Variants in ASAP1 observed in about 807,000 individuals in gnomAD.
The protein encoded by ASAP1 is ArfGAP with SH3 domain, ankyrin repeat and PH domain 1, also known as arf-GAP with SH3 domain, ANK repeat and PH domain-containing protein 1.
A neutral mutation model predicts 145.2 loss-of-function variants in ASAP1; 43 were observed. The ratio of observed to expected loss-of-function variants is 0.30; its 90% CI spans 0.23 to 0.38. The LOEUF (loss-of-function observed/expected upper bound fraction) is 0.38. ASAP1 is among the 10% of genes least tolerant of loss of function. The probability of loss-of-function intolerance (pLI) is 1.00; values close to 1 mark genes in which losing one functional copy is unlikely to be tolerated. For missense variants in ASAP1, 1,018 were observed against 1,355.3 expected, an observed-to-expected ratio of 0.75 and a Z score of 3.91; for synonymous variants, 546 against 515.5, an observed-to-expected ratio of 1.06 and a Z score of -0.80.
rs755509561 is a variant in ASAP1 at position 130,152,737 on chromosome 8, G to A, written c.1079C>T (p.Thr360Ile). ...KNGILTISHA[T>I]SNRQPAKLNL... ...GGGTAAATTAAGAAACATACTTACTGTGGCATGTGAGATGGTCAGAATCCC... is the reference window on the plus strand; with the variant it reads ...GGGTAAATTAAGAAACATACTTACTATGGCATGTGAGATGGTCAGAATCCC... The change falls in exon 13 of 30, where the codon ACA becomes ATA. Residue 360 changes from threonine (T) to isoleucine (I), a missense_variant and splice_region_variant. Physicochemically the swap from Thr to Ile is moderately conservative, Grantham distance 89. Around this residue, in one of 9 missense-constraint regions of ASAP1, gnomAD observed 27 missense variants for 88.2 expected, o/e 0.31. Transcript: ENST00000518721. 6.2e-7 allele frequency: 1 copy of A among 1,608,774 alleles called. No homozygotes were observed. Among genetic ancestry groups the A allele is most frequent in the African/African-American group, 1.3e-5 (1 of 74,776 alleles).
intron 6 of ASAP1, 131 bp from the exon 7 acceptor site, chr8:130,187,416 C>A: frequency 5.7e-6 from 4 of 706,272 alleles, no homozygotes; most frequent in Non-Finnish European, 9.4e-6. Context: ...ATGCACGTTA[C>A]ACCATTTTTT....
rs568922181 is a variant in ASAP1, at chr8:130,054,022, C to T, written c.*709G>A. 1 of 152,548 alleles carries T rather than the reference C, an allele frequency of 6.6e-6. No individual in the cohort carries two copies. The highest frequency in any genetic ancestry group is 1.9e-4 in the East Asian group (1 of 5,194). 9.4% of individuals were successfully genotyped at this position (152,548 alleles called of 1,614,324 possible). ...TGTTTTAAACTTTTGTCAAAATAGT[C>T]ATGAAAGATATGTTATTTTTGCATA... On this transcript the variant is annotated 3_prime_UTR_variant, in exon 30 of 30. Coordinates refer to ENST00000518721, the MANE Select transcript of ASAP1 (RefSeq NM_018482.4).
At chr8:130,205,802 T>A (rs115489384) in intron 5 of ASAP1, among the ~76,000 whole-genome samples, 1 of 150,456 alleles carries the variant, frequency 6.6e-6, no homozygotes, top group Non-Finnish European at 1.5e-5. Flanking sequence ...GTGTGCTGCA[T>A]AATATAAGGC....
intron 3 of ASAP1, among the ~76,000 whole-genome samples, chr8:130,242,000 T>A (rs975884030): frequency 1.3e-5 from 2 of 152,158 alleles, no homozygotes; most frequent in Non-Finnish European, 1.5e-5. Flanking sequence ...AAATAGTACA[T>A]AACAATAAAA....
intron 23 of ASAP1, among the ~76,000 whole-genome samples, chr8:130,113,536 C>A (rs1233065671): frequency 6.6e-6 from 1 of 152,116 alleles, no homozygotes; most frequent in African/African-American, 2.4e-5. Context: ...GGCTTGAGGA[C>A]CTCTTTGGCC....
chr8:130,164,812 C>T (rs558364468), intron 11 of ASAP1, among the ~76,000 whole-genome samples: 66 of 152,212 alleles, frequency 4.3e-4, no homozygotes, highest in African/African-American at 1.5e-3. Flanking sequence ...AGTTAGAACC[C>T]GGTGGGGATG....
At chr8:130,225,330 TCCTAAG>T (rs1412052328) in intron 4 of ASAP1, among the ~76,000 whole-genome samples, 1 of 152,214 alleles carries the variant, frequency 6.6e-6, no homozygotes, top group African/African-American at 2.4e-5. Flanking sequence ...GGCCTTATGT[TCCTAAG>T]CCTTCTAATA....
chr8:130,090,005 C>G (rs2097502205), intron 25 of ASAP1, among the ~76,000 whole-genome samples: 1 of 152,176 alleles, frequency 6.6e-6, no homozygotes, highest in Non-Finnish European at 1.5e-5. Flanking sequence ...ACAGACAGAA[C>G]AGCGTCCTCA....
intron 1 of ASAP1, among the ~76,000 whole-genome samples, chr8:130,424,852 G>A (rs1410944738): frequency 1.3e-5 from 2 of 152,024 alleles, no homozygotes; most frequent in East Asian, 3.9e-4. Context: ...AATTAGCCGG[G>A]CATGGTGGCA....
At chr8:130,378,069 G>T (rs1281824759) in intron 2 of ASAP1, among the ~76,000 whole-genome samples, 1 of 152,212 alleles carries the variant, frequency 6.6e-6, no homozygotes, top group African/African-American at 2.4e-5. Flanking sequence ...AGGTAAAAGA[G>T]CTCTGGAATC....
chr8:130,406,662 T>C (rs567620377), intron 1 of ASAP1, among the ~76,000 whole-genome samples: 94 of 152,136 alleles, frequency 6.2e-4, no homozygotes, highest in Non-Finnish European at 1.2e-3. Context: ...TTTGTATTTT[T>C]AGTAGTGATG....
rs2097649311 is a variant in ASAP1 at position 130,152,796 on chromosome 8, T to C, written c.1020A>G (p.Lys340=). ...CTGAACACTTCCTCCTCTGCCATAC[T>C]TTCCGGATCCTAAGGAGGAAGTCAA... ...YLLKKSDGIR[K]VWQRRKCSVK... Residue 340 remains lysine, a synonymous_variant, in exon 13 of 30, where the codon AAA becomes AAG. Transcript: ENST00000518721. The C allele has an allele frequency of 1.2e-6, 2 of 1,608,942 alleles. No individual in the cohort carries two copies. Among genetic ancestry groups the C allele is most frequent in the Non-Finnish European group, 1.7e-6 (2 of 1,176,268 alleles).
At chr8:130,090,109 T>C (rs1256587683) in intron 25 of ASAP1, among the ~76,000 whole-genome samples, 1 of 151,996 alleles carries the variant, frequency 6.6e-6, no homozygotes, top group African/African-American at 2.4e-5. Flanking sequence ...CCATCAACAA[T>C]GGGGGGAAAA....
Position 130,218,440 on chromosome 8 carries a change from GT to G in ASAP1, c.260-3740del, listed in dbSNP as rs566016985. 3.9e-5 allele frequency among the ~76,000 whole-genome samples: 6 copies of G among 152,166 alleles called. No individual in the cohort carries two copies. The South Asian group carries it at 1.2e-3, about 32-fold the overall frequency. ...AATGATTCCCTATTCCCCTACTCCT[GT>G]CCCTCTACCCAATTCCGATCTCCTT... On this transcript the variant is annotated intron_variant, in intron 4 of 29. Coordinates refer to ENST00000518721, the MANE Select transcript of ASAP1 (RefSeq NM_018482.4).
chr8:130,128,988 G>C (rs2135746979), intron 15 of ASAP1, among the ~76,000 whole-genome samples: 1 of 152,242 alleles, frequency 6.6e-6, no homozygotes, highest in South Asian at 2.1e-4. Context: ...CACGTGTCTG[G>C]GGAGAGACCC....
At chr8:130,431,595 C>G (rs1340816832) in intron 1 of ASAP1, among the ~76,000 whole-genome samples, 1 of 152,238 alleles carries the variant, frequency 6.6e-6, no homozygotes, top group Admixed American at 6.5e-5. Context: ...CACCTTGTAA[C>G]AAGTCTTCTC....
At chr8:130,187,593 T>A (rs1814825910) in intron 6 of ASAP1, among the ~76,000 whole-genome samples, 1 of 152,082 alleles carries the variant, frequency 6.6e-6, no homozygotes, top group Non-Finnish European at 1.5e-5. Flanking sequence ...TTCTTGTACT[T>A]CTTCTGTAGA....
rs2097489605 is a variant in ASAP1 at position 130,085,009 on chromosome 8, A to G, written c.2573-5038T>C. On this transcript the variant is annotated intron_variant, in intron 25 of 29. Coordinates refer to ENST00000518721, the MANE Select transcript of ASAP1 (RefSeq NM_018482.4). ...GATGAGGAATGTAAGTGATTCCCAG[A>G]GGTCACTTTGTCAGGGATTGGTAGA... Among the ~76,000 whole-genome samples, 3 of 152,212 alleles carry G rather than the reference A, an allele frequency of 2.0e-5. No homozygotes were observed. In the South Asian group the frequency reaches 6.2e-4, roughly 32 times the overall value.
intron 3 of ASAP1, among the ~76,000 whole-genome samples, chr8:130,319,635 T>C (rs978918006): frequency 6.6e-6 from 1 of 152,196 alleles, no homozygotes; most frequent in Non-Finnish European, 1.5e-5. Flanking sequence ...TCAAAAGCCC[T>C]AGACCCAGCA....
Sources: allele counts gnomAD v4.1 joint callset (sites outside exome capture counted in the v4.1 genomes callset), GRCh38; gene constraint gnomAD v4.1.1; regional missense constraint gnomAD v4.1.1; transcripts MANE v1.5; gene names NCBI Gene and HGNC (gene_info 2026-07-23, HGNC 2026-07-21).